Variants in PUM3 observed in about 807,000 individuals in gnomAD.
The protein encoded by PUM3 is pumilio RNA binding family member 3.
PUM3 carries 91 observed loss-of-function variants against 84.0 expected under a neutral mutation model. The observed-to-expected ratio is 1.08, with a 90% CI of 0.91 to 1.29. The LOEUF (loss-of-function observed/expected upper bound fraction) is 1.29. PUM3 is among the 50% of genes most tolerant of loss of function. PUM3 has a pLI of 0.00. For missense variants in PUM3, 1,067 were observed against 767.5 expected, an observed-to-expected ratio of 1.39 and a Z score of -4.61; for synonymous variants, 321 against 266.7, an observed-to-expected ratio of 1.20 and a Z score of -1.98.
intron 16 of PUM3, among the ~76,000 whole-genome samples, 159 bp downstream of exon 16, chr9:2,810,185 T>C (rs1821336427): frequency 6.6e-6 from 1 of 152,126 alleles, no homozygotes. Context: ...GGAAAAAGCA[T>C]TACCAGCAAC....
rs777166714 is a variant in PUM3, at chr9:2,812,547, A to C, written c.1270-185T>G. Reference sequence around the variant, plus strand: ...CCTATAAAATTATAAACAACAACAAAAAAATGAATTGATATCTACATTCTT... The same window carrying C: ...CCTATAAAATTATAAACAACAACAACAAAATGAATTGATATCTACATTCTT... On this transcript the variant is annotated intron_variant, in intron 13 of 17. Coordinates refer to ENST00000397885, the MANE Select transcript of PUM3 (RefSeq NM_014878.5). Among the ~76,000 whole-genome samples the C allele has an allele frequency of 4.3e-4, 65 of 152,218 alleles. 1 individual carries two copies. Among genetic ancestry groups the C allele is most frequent in the Admixed American group, 3.9e-3 (59 of 15,290 alleles).
chr9:2,806,090 G>T (rs1347990679), intron 17 of PUM3, among the ~76,000 whole-genome samples: 1 of 152,120 alleles, frequency 6.6e-6, no homozygotes, highest in East Asian at 1.9e-4. Context: ...TAAACCTATA[G>T]TATCCTTCCT....
At chr9:2,842,580 A>C (rs745743888) in intron 1 of PUM3, among the ~76,000 whole-genome samples, 2 of 152,142 alleles carry the variant, frequency 1.3e-5, no homozygotes, top group African/African-American at 4.8e-5. Flanking sequence ...TCTACATGTT[A>C]GCATTCCTCA....
intron 13 of PUM3, among the ~76,000 whole-genome samples, chr9:2,817,717 G>A (rs1190215122): frequency 6.6e-6 from 1 of 152,156 alleles, no homozygotes; most frequent in East Asian, 1.9e-4. Context: ...ATCAGGGATG[G>A]GTACACAAAG....
intron 11 of PUM3, among the ~76,000 whole-genome samples, 192 bp downstream of exon 11, chr9:2,824,525 G>A (rs907254788): frequency 6.6e-6 from 1 of 152,192 alleles, no homozygotes; most frequent in Non-Finnish European, 1.5e-5. Flanking sequence ...TAAAGCAGAG[G>A]AAAGAAGAAA....
intron 17 of PUM3, among the ~76,000 whole-genome samples, chr9:2,806,017 C>T (rs1328857300): frequency 6.6e-6 from 1 of 152,204 alleles, no homozygotes; most frequent in African/African-American, 2.4e-5. Flanking sequence ...TATAGCTCAA[C>T]TTCCATTTAG....
intron 1 of PUM3, among the ~76,000 whole-genome samples, chr9:2,839,905 T>A (rs1030817893): frequency 6.6e-6 from 1 of 152,224 alleles, no homozygotes; most frequent in Non-Finnish European, 1.5e-5. Flanking sequence ...ATATACCCTT[T>A]CCCCAGCTTC....
intron 5 of PUM3, among the ~76,000 whole-genome samples, chr9:2,831,571 T>G (rs1345191394): frequency 2.0e-5 from 3 of 152,176 alleles, no homozygotes; most frequent in Admixed American, 2.0e-4. Flanking sequence ...GAGGCAAGGA[T>G]AAATTTAACC....
Position 2,812,036 on chromosome 9 carries a change from G to A in PUM3, c.1412+184C>T, listed in dbSNP as rs562179878. 1.1e-4 allele frequency among the ~76,000 whole-genome samples: 17 copies of A among 152,176 alleles called. No individual in the cohort carries two copies. The South Asian group carries it at 3.5e-3, about 32-fold the overall frequency. On this transcript the variant is annotated intron_variant, in intron 14 of 17. Transcript: ENST00000397885. ...AGGTGCTCAGGTGTTCTTTTGGCAC[G>A]ACACTTTTATTTCCTTGTCAAGATA... is the stretch of plus-strand genomic sequence containing the variant.
chr9:2,824,682 G>C (rs1442252100), intron 11 of PUM3, 35 bp downstream of exon 11: 1 of 1,384,856 alleles, frequency 7.2e-7, no homozygotes, highest in African/African-American at 1.4e-5. Flanking sequence ...GCCCTGACTT[G>C]TACAGTTTAA....
At chr9:2,828,633 G>T in intron 9 of PUM3, 42 bp downstream of exon 9, 2 of 1,191,600 alleles carry the variant, frequency 1.7e-6, no homozygotes, top group South Asian at 1.2e-5. Context: ...TTCCTCCTTT[G>T]AATGTCATTT....
chr9:2,820,876 C>T (rs1192423066), intron 12 of PUM3, among the ~76,000 whole-genome samples: 1 of 152,098 alleles, frequency 6.6e-6, no homozygotes, highest in African/African-American at 2.4e-5. Context: ...TTAAAGAACA[C>T]CTACTTTATG....
intron 7 of PUM3, among the ~76,000 whole-genome samples, chr9:2,830,341 T>A (rs186934781): frequency 1.3e-3 from 196 of 152,326 alleles, no homozygotes; most frequent in African/African-American, 4.6e-3. Context: ...CACTTTTTGT[T>A]GTTGATTATC....
intron 10 of PUM3, among the ~76,000 whole-genome samples, chr9:2,826,094 C>T (rs189577670): frequency 4.6e-4 from 70 of 151,382 alleles, no homozygotes; most frequent in Non-Finnish European, 8.1e-4. Context: ...CCATTTTCCC[C>T]GAAGGTTTTT....
intron 1 of PUM3, among the ~76,000 whole-genome samples, chr9:2,840,088 G>C (rs529520140): frequency 2.6e-5 from 4 of 152,246 alleles, no homozygotes; most frequent in African/African-American, 9.6e-5. Flanking sequence ...CTCATGATTA[G>C]GCTAAGGCTA....
At chr9:2,840,978 A>C (rs1410907378) in intron 1 of PUM3, among the ~76,000 whole-genome samples, 1 of 152,238 alleles carries the variant, frequency 6.6e-6, no homozygotes, top group East Asian at 1.9e-4. Flanking sequence ...ATATTAACTT[A>C]TGCATATGCA....
chr9:2,811,690 C>CTAT (rs1470602077), intron 14 of PUM3, 107 bp from the exon 15 acceptor site: 1 of 701,252 alleles, frequency 1.4e-6, no homozygotes, highest in Admixed American at 2.6e-5. Context: ...GTATCGCACT[C>CTAT]TATTATTATT....
chr9:2,827,190 C>A, intron 9 of PUM3, 39 bp from the exon 10 acceptor site: 1 of 1,438,352 alleles, frequency 7.0e-7, no homozygotes. Context: ...CACAACAGAT[C>A]TGGCACTACA....
At chr9:2,838,152 A>T (rs537235682) in intron 2 of PUM3, among the ~76,000 whole-genome samples, 11 of 152,298 alleles carry the variant, frequency 7.2e-5, no homozygotes, top group African/African-American at 2.6e-4. Flanking sequence ...TGTTAAAATA[A>T]AATGTATGGT....
Sources: allele counts gnomAD v4.1 joint callset (sites outside exome capture counted in the v4.1 genomes callset), GRCh38; gene constraint gnomAD v4.1.1; transcripts MANE v1.5; gene names NCBI Gene and HGNC (gene_info 2026-07-23, HGNC 2026-07-21).